CRACD: variants seen among roughly 807,000 people sequenced by gnomAD.
CRACD encodes the protein capping protein inhibiting regulator of actin dynamics.
A neutral mutation model predicts 106.8 loss-of-function variants in CRACD; 56 were observed. That is an observed-to-expected ratio of 0.52 (90% CI 0.42 to 0.66). The LOEUF is 0.66. Ranked by LOEUF, CRACD falls within the 30% of genes least tolerant of loss-of-function variation. The pLI, the probability that CRACD is intolerant of heterozygous loss-of-function variation, is 0.00. For missense variants in CRACD, 1,730 were observed against 1,623.2 expected (o/e 1.07, Z -1.13); for synonymous variants, 754 against 670.8 (o/e 1.12, Z -1.92).
At chr4:56,070,809 T>C (rs182914198) in intron 1 of CRACD, among the ~76,000 whole-genome samples, 23 of 145,760 alleles carry the variant, frequency 1.6e-4, no homozygotes, top group African/African-American at 5.7e-4. Context: ...GCAGAAGGAG[T>C]CTGTTGGGTA....
At chr4:56,207,745 C>CATATATATATATAT (rs58423475) in intron 2 of CRACD, among the ~76,000 whole-genome samples, 128 of 106,122 alleles carry the variant, frequency 1.2e-3, no homozygotes, top group East Asian at 8.1e-3. Context: ...CTTGTTTTCT[C>CATATATATATATAT]ATATATATAT....
At chr4:56,145,575 TATTA>T in intron 1 of CRACD, among the ~76,000 whole-genome samples, 1 of 152,250 alleles carries the variant, frequency 6.6e-6, no homozygotes, top group East Asian at 1.9e-4. Flanking sequence ...TTTTCTAATT[TATTA>T]ATTTCTGCTT....
chr4:56,109,027 C>A (rs1213747699), intron 1 of CRACD, among the ~76,000 whole-genome samples: 1 of 152,230 alleles, frequency 6.6e-6, no homozygotes, highest in South Asian at 2.1e-4. Flanking sequence ...TTCTCTGACT[C>A]CTCCAAGGAA....
At chr4:56,305,376 T>C (rs1003780604) in intron 4 of CRACD, among the ~76,000 whole-genome samples, 1 of 152,144 alleles carries the variant, frequency 6.6e-6, no homozygotes, top group Non-Finnish European at 1.5e-5. Flanking sequence ...AAGGCTGGGC[T>C]GGGCGGACAC....
intron 5 of CRACD, among the ~76,000 whole-genome samples, chr4:56,309,853 CAA>C (rs201229387): frequency 6.7e-6 from 1 of 150,338 alleles, no homozygotes; most frequent in East Asian, 1.9e-4. Context: ...GACTTTGTCT[CAA>C]AAAAAATATA....
chr4:56,262,718 A>C (rs1373166185), intron 2 of CRACD, among the ~76,000 whole-genome samples: 1 of 152,208 alleles, frequency 6.6e-6, no homozygotes, highest in Non-Finnish European at 1.5e-5. Context: ...TGCAGGACTG[A>C]CTGTAGAGCA....
rs1171920777 is a variant in CRACD, at chr4:56,141,682, A to ATTTT, written c.-335-37577_-335-37574dup. ...TAAGTATCTAAACTAAGGAAGTACT[A>ATTTT]TTTTTTTTTTTTTTTTTTTTTTTTT... On this transcript the variant is annotated intron_variant, in intron 1 of 10. Transcript: ENST00000682029. Among the ~76,000 whole-genome samples the ATTTT allele has an allele frequency of 7.6e-3, 625 of 82,672 alleles. 18 individuals are homozygous for ATTTT. The highest frequency in any genetic ancestry group is 0.021 in the South Asian group (43 of 2,002). The allele number at this position is 82,672 out of a possible 152,430, so 54.2% of individuals were successfully genotyped here.
At chr4:56,249,983 A>G (rs1163184482) in intron 2 of CRACD, among the ~76,000 whole-genome samples, 1 of 152,240 alleles carries the variant, frequency 6.6e-6, no homozygotes, top group African/African-American at 2.4e-5. Flanking sequence ...AGTGAGATCT[A>G]ATAAGTCCTG....
Position 56,315,795 on chromosome 4 carries a change from G to C in CRACD, c.2293G>C (p.Gly765Arg). 6.2e-7 allele frequency: 1 copy of C among 1,614,204 alleles called. No homozygotes were observed. Among genetic ancestry groups the C allele is most frequent in the Non-Finnish European group, 8.5e-7 (1 of 1,180,038 alleles). ...EETAPQPPPA[G>R]VRELGKGPEK... ...GACAGCCCCCCAGCCTCCTCCTGCT[G>C]GTGTTCGCGAGCTCGGGAAGGGTCC... The change falls in exon 8 of 11, where the codon GGT becomes CGT. Residue 765 changes from glycine to arginine, a missense_variant. Around this residue, in one of 5 missense-constraint regions of CRACD, gnomAD observed 1,620 missense variants for 1,481.6 expected, o/e 1.09. Coordinates refer to ENST00000682029, the MANE Select transcript of CRACD (RefSeq NM_001393381.1). The surrounding 1 kb of genome is among the most constrained non-coding windows in gnomAD (Gnocchi z 4.1).
intron 1 of CRACD, among the ~76,000 whole-genome samples, chr4:56,061,164 A>T (rs779137564): frequency 6.6e-6 from 1 of 152,034 alleles, no homozygotes; most frequent in Non-Finnish European, 1.5e-5. Flanking sequence ...CTGAGCATCA[A>T]ATCTCTCTCA....
rs1159626155 is a variant in CRACD at position 56,314,225 on chromosome 4, A to G, written c.723A>G (p.Glu241=). 5 of 1,600,130 alleles carry G rather than the reference A, an allele frequency of 3.1e-6. No individual in the cohort carries two copies. Among genetic ancestry groups the G allele is most frequent in the Middle Eastern group, 1.7e-4 (1 of 6,048 alleles). ...CCAAGTGCAAGCGGCAAAAGGCGGA[A>G]GCAGCCGAGAAGAGACGCCTAGAGG... The part of the protein sequence containing the change: ...LEAKCKRQKA[E]AAEKRRLEEQ... Residue 241 remains glutamate, a synonymous_variant, in exon 8 of 11, where the codon GAA becomes GAG. Transcript: ENST00000682029. This position sits in a 1 kb window ranked among gnomAD's most constrained non-coding sequence, Gnocchi z 4.4.
chr4:56,279,980 C>A (rs1371571348), intron 3 of CRACD, among the ~76,000 whole-genome samples: 6 of 151,788 alleles, frequency 4.0e-5, no homozygotes, highest in Non-Finnish European at 8.8e-5. Context: ...ATGATGAGTT[C>A]ATGTCCTTTG....
chr4:56,063,025 G>C (rs1228345638), intron 1 of CRACD, among the ~76,000 whole-genome samples: 1 of 151,966 alleles, frequency 6.6e-6, no homozygotes, highest in Non-Finnish European at 1.5e-5. Flanking sequence ...GTCTTCCTCA[G>C]AATGTTTAGT....
intron 1 of CRACD, among the ~76,000 whole-genome samples, chr4:56,085,084 C>T (rs1176154695): frequency 6.6e-6 from 1 of 152,022 alleles, no homozygotes; most frequent in Non-Finnish European, 1.5e-5. Flanking sequence ...GGAGTATGGG[C>T]GTTTGGCATG....
intron 1 of CRACD, among the ~76,000 whole-genome samples, chr4:56,166,082 C>T (rs920533599): frequency 2.0e-5 from 3 of 152,106 alleles, no homozygotes; most frequent in Non-Finnish European, 2.9e-5. Context: ...CCAGGCTGGT[C>T]TTGAACTCCC....
intron 2 of CRACD, among the ~76,000 whole-genome samples, chr4:56,242,050 GT>G: frequency 1.3e-5 from 2 of 152,176 alleles, no homozygotes; most frequent in African/African-American, 4.8e-5. Context: ...GAATGACAAA[GT>G]AAGAAGCCTG....
At chr4:56,289,032 T>G (rs993751235) in intron 3 of CRACD, among the ~76,000 whole-genome samples, 1 of 152,192 alleles carries the variant, frequency 6.6e-6, no homozygotes, top group African/African-American at 2.4e-5. Context: ...AGGACAGATA[T>G]TATATTATTC....
chr4:56,149,592 G>A (rs1314592633), intron 1 of CRACD, among the ~76,000 whole-genome samples: 3 of 152,166 alleles, frequency 2.0e-5, no homozygotes, highest in African/African-American at 4.8e-5. Context: ...TTTGGGGGGA[G>A]AGCACATTGT....
intron 1 of CRACD, among the ~76,000 whole-genome samples, chr4:56,134,164 T>C (rs1015440351): frequency 6.6e-6 from 1 of 151,460 alleles, no homozygotes; most frequent in Non-Finnish European, 1.5e-5. Context: ...TTCCCACCAC[T>C]GTACTCTAGC....
Sources: allele counts gnomAD v4.1 joint callset (sites outside exome capture counted in the v4.1 genomes callset), GRCh38; gene constraint gnomAD v4.1.1; regional missense constraint gnomAD v4.1.1; non-coding constraint Gnocchi (gnomAD v3.1); transcripts MANE v1.5; gene names NCBI Gene and HGNC (gene_info 2026-07-23, HGNC 2026-07-21).